NRROS: variants seen among roughly 807,000 people sequenced by gnomAD.
The protein encoded by NRROS is transforming growth factor beta activator LRRC33.
A neutral mutation model predicts 12.0 loss-of-function variants in NRROS; 6 were observed. The observed-to-expected ratio is 0.50, with a 90% confidence interval of 0.27 to 0.98. NRROS has a LOEUF of 0.98. Ranked by LOEUF, NRROS falls within the 50% of genes least tolerant of loss-of-function variation. The probability of loss-of-function intolerance (pLI) is 0.11; values close to 1 mark genes in which losing one functional copy is unlikely to be tolerated. For synonymous variants in NRROS, 462 were observed against 410.2 expected, an observed-to-expected ratio of 1.13 and a Z score of -1.53; for missense variants, 857 against 888.2, an observed-to-expected ratio of 0.96 and a Z score of 0.45.
chr3:196,653,671 C>T (rs1218466290), intron 1 of NRROS, among the ~76,000 whole-genome samples: 3 of 152,208 alleles, frequency 2.0e-5, no homozygotes, highest in Admixed American at 2.0e-4. Flanking sequence ...GGGAGCGAGG[C>T]GGGGCTGCTC....
At chr3:196,648,340 G>T (rs1181798573) in intron 1 of NRROS, among the ~76,000 whole-genome samples, 1 of 152,098 alleles carries the variant, frequency 6.6e-6, no homozygotes, top group African/African-American at 2.4e-5. Context: ...CAATAGAGGC[G>T]ATGTCTTACA....
At chr3:196,652,698 A>G (rs566846082) in intron 1 of NRROS, among the ~76,000 whole-genome samples, 2 of 152,312 alleles carry the variant, frequency 1.3e-5, no homozygotes, top group African/African-American at 4.8e-5. Context: ...CCTGAGTGTG[A>G]CACAAGGCCT....
chr3:196,642,176 T>C (rs969907830), intron 1 of NRROS, among the ~76,000 whole-genome samples: 13 of 152,026 alleles, frequency 8.6e-5, no homozygotes, highest in African/African-American at 3.1e-4. Flanking sequence ...GCTTGGATCT[T>C]AGCTCTTATA....
Position 196,660,764 on chromosome 3 carries a change from C to G in NRROS, c.1121C>G (p.Pro374Arg). The part of the protein sequence containing the change: ...LMTLHIREHE[P>R]PGALTELDLS... ...ACGCTTCACATTCGGGAGCACGAGC[C>G]CCCCGGAGCGCTCACCGAGCTGGAC... The change falls in exon 3 of 3, where the codon CCC becomes CGC. Residue 374 changes from proline (P) to arginine (R), a missense_variant. Pro to Arg is a moderately radical substitution (Grantham distance 103). Transcript: ENST00000328557. This position sits in a 1 kb window ranked among gnomAD's most constrained non-coding sequence, Gnocchi z 7.7. 6.2e-7 allele frequency: 1 copy of G among 1,613,888 alleles called. No individual in the cohort carries two copies. The highest frequency in any genetic ancestry group is 8.5e-7 in the Non-Finnish European group (1 of 1,180,028).
chr3:196,657,072 C>T (rs933146167), intron 2 of NRROS, among the ~76,000 whole-genome samples: 28 of 151,926 alleles, frequency 1.8e-4, no homozygotes, highest in Admixed American at 5.9e-4. Flanking sequence ...GGCATGGTGA[C>T]GGGCACCTGT....
chr3:196,660,796 C>G lies in NRROS; in HGVS notation c.1153C>G (p.His385Asp). 1 of 1,613,748 alleles carries G rather than the reference C, an allele frequency of 6.2e-7. No individual in the cohort carries two copies. Among genetic ancestry groups the G allele is most frequent in the South Asian group, 1.1e-5 (1 of 91,090 alleles). The change falls in exon 3 of 3, where the codon CAC becomes GAC. Residue 385 changes from histidine to aspartate, a missense_variant. Coordinates refer to ENST00000328557, the MANE Select transcript of NRROS (RefSeq NM_198565.3). The surrounding 1 kb of genome is among the most constrained non-coding windows in gnomAD (Gnocchi z 7.7). ...PGALTELDLS[H>D]NQLSELHLAP... is the part of the protein sequence containing the mutation. Reference sequence around the variant, plus strand: ...AGCGCTCACCGAGCTGGACCTGAGCCACAACCAGCTGTCGGAGCTGCACCT... The same window carrying G: ...AGCGCTCACCGAGCTGGACCTGAGCGACAACCAGCTGTCGGAGCTGCACCT...
rs1737172062 is a variant in NRROS at position 196,639,769 on chromosome 3, T to A, written c.-120T>A. 6.6e-6 allele frequency: 1 copy of A among 152,478 alleles called. No individual in the cohort carries two copies. Among genetic ancestry groups the A allele is most frequent in the African/African-American group, 2.4e-5 (1 of 41,452 alleles). 9.4% of individuals were successfully genotyped at this position (152,478 alleles called of 1,614,324 possible). On this transcript the variant is annotated 5_prime_UTR_variant, in exon 1 of 3. It removes an upstream start codon present in the reference 5' UTR. Coordinates refer to ENST00000328557, the MANE Select transcript of NRROS (RefSeq NM_198565.3). Reference sequence around the variant, plus strand: ...TTCCGCTGGTGCTAAAATAATCTGATGCCCCACAGCAAGGAGGTAGCCCAG... The same window carrying A: ...TTCCGCTGGTGCTAAAATAATCTGAAGCCCCACAGCAAGGAGGTAGCCCAG...
rs1737666476 is a variant in NRROS, at chr3:196,661,133, G to A, written c.1490G>A (p.Gly497Glu). ...TACTTAGACCTCTCAAGCAACTGGG[G>A]GGTTCTGAATGGGAGCCTCGCCCCA... is the stretch of plus-strand genomic sequence containing the variant. ...LTYLDLSSNW[G>E]VLNGSLAPLQ... Residue 497 changes from glycine (G) to glutamate (E), a missense_variant, in exon 3 of 3, where the codon GGG becomes GAG. Gly to Glu is a moderately conservative substitution (Grantham distance 98). Transcript: ENST00000328557. 6.2e-7 allele frequency: 1 copy of A among 1,613,184 alleles called. No individual in the cohort carries two copies. The highest frequency in any genetic ancestry group is 8.5e-7 in the Non-Finnish European group (1 of 1,179,426).
chr3:196,661,159 C>A lies in NRROS; in HGVS notation c.1516C>A (p.Leu506Ile). Residue 506 changes from leucine to isoleucine, a missense_variant, in exon 3 of 3, where the codon CTC becomes ATC. Transcript: ENST00000328557. ...GGTTCTGAATGGGAGCCTCGCCCCA[C>A]TCCAGGATGTTGCCCCCATGTTACA... ...WGVLNGSLAP[L>I]QDVAPMLQVL... 1 of 1,612,588 alleles carries A rather than the reference C, an allele frequency of 6.2e-7. No homozygotes were observed. Among genetic ancestry groups the A allele is most frequent in the Non-Finnish European group, 8.5e-7 (1 of 1,178,972 alleles).
chr3:196,646,029 G>C (rs966219492), intron 1 of NRROS, among the ~76,000 whole-genome samples: 5 of 152,246 alleles, frequency 3.3e-5, no homozygotes, highest in African/African-American at 1.2e-4. Flanking sequence ...GCCTTGGAAG[G>C]CTTGGTGGGG....
chr3:196,658,863 G>A (rs7645207), intron 2 of NRROS, among the ~76,000 whole-genome samples: 83,805 of 151,936 alleles, frequency 0.55, 23,574 homozygotes, highest in East Asian at 0.81. Context: ...CCAGCTACTC[G>A]GGAGGCTGAA....
intron 1 of NRROS, among the ~76,000 whole-genome samples, chr3:196,651,135 CTT>C (rs1737416098): frequency 6.6e-6 from 1 of 152,330 alleles, no homozygotes; most frequent in East Asian, 1.9e-4. Context: ...ATCTTGGACT[CTT>C]TGCAGTGCCA....
At position 196,661,458 on chromosome 3, in the gene NRROS, GGCCCTGCAGCATGGGCA is replaced by G; in HGVS notation, c.1817_1833del (p.Ala606AspfsTer64). ...ACTGCTGTGGGGTGGATGGCTGGGG[GGCCCTGCAGCATGGGCA>G]GACGGTGGCCGACTGGGCCATGGTC... On this transcript the variant is annotated frameshift_variant, in exon 3 of 3. Coordinates refer to ENST00000328557, the MANE Select transcript of NRROS (RefSeq NM_198565.3). LOFTEE classifies it high-confidence loss of function. 1 of 1,597,860 alleles carries G rather than the reference GGCCCTGCAGCATGGGCA, an allele frequency of 6.3e-7. No homozygotes were observed. The highest frequency in any genetic ancestry group is 8.5e-7 in the Non-Finnish European group (1 of 1,169,726).
chr3:196,656,630 C>G (rs1428584000), intron 2 of NRROS, among the ~76,000 whole-genome samples: 1 of 152,180 alleles, frequency 6.6e-6, no homozygotes, highest in Non-Finnish European at 1.5e-5. Context: ...TATGTTTGAC[C>G]TCCAGCATTC....
chr3:196,644,019 T>G (rs1737257285), intron 1 of NRROS, among the ~76,000 whole-genome samples: 1 of 152,238 alleles, frequency 6.6e-6, no homozygotes, highest in South Asian at 2.1e-4. Context: ...CCAGCCAGCC[T>G]GACACCCTGA....
chr3:196,660,832 C>T lies in NRROS; in HGVS notation c.1189C>T (p.Leu397=), dbSNP rs1737657533. The change falls in exon 3 of 3, where the codon CTG becomes TTG. Residue 397 remains leucine, a synonymous_variant. Transcript: ENST00000328557. The surrounding 1 kb of genome is among the most constrained non-coding windows in gnomAD (Gnocchi z 7.7). ...QLSELHLAPG[L]ASCLGSLRLF... ...GTCGGAGCTGCACCTGGCTCCGGGG[C>T]TGGCCAGCTGCCTGGGCAGCCTGCG... 4 of 1,613,586 alleles carry T rather than the reference C, an allele frequency of 2.5e-6. No homozygotes were observed. Among genetic ancestry groups the T allele is most frequent in the East Asian group, 4.5e-5 (2 of 44,890 alleles).
intron 1 of NRROS, among the ~76,000 whole-genome samples, chr3:196,652,682 G>T (rs141609005): frequency 2.0e-5 from 3 of 152,186 alleles, no homozygotes; most frequent in African/African-American, 7.2e-5. Flanking sequence ...AAATTAAAAT[G>T]CCCCTCCTGA....
At chr3:196,649,693 G>C (rs535324456) in intron 1 of NRROS, among the ~76,000 whole-genome samples, 8 of 152,060 alleles carry the variant, frequency 5.3e-5, no homozygotes, top group Admixed American at 1.3e-4. Context: ...GGATGGTCTC[G>C]ATCTCCTGAC....
chr3:196,646,005 G>A (rs1004838176), intron 1 of NRROS, among the ~76,000 whole-genome samples: 33 of 152,346 alleles, frequency 2.2e-4, no homozygotes, highest in South Asian at 2.1e-4. Flanking sequence ...CAGTGGGGGC[G>A]TGTCCTCCTG....
Sources: gnomAD v4.1 joint callset for allele counts (sites outside exome capture counted in the v4.1 genomes callset) on GRCh38, gnomAD v4.1.1 for gene constraint, Gnocchi (gnomAD v3.1) non-coding constraint, MANE v1.5 for transcripts, NCBI Gene and HGNC (gene_info 2026-07-23, HGNC 2026-07-21) for gene names.